Variants in ACO1 observed in about 807,000 individuals in gnomAD.
The protein encoded by ACO1 is aconitase 1.
A neutral mutation model predicts 105.1 loss-of-function variants in ACO1; 78 were observed. The ratio of observed to expected loss-of-function variants is 0.74; its 90% CI spans 0.62 to 0.90. The LOEUF (loss-of-function observed/expected upper bound fraction) is 0.90. Among genes scored for constraint, ACO1 ranks in the 40% least tolerant of loss-of-function variants. The pLI is 0.00. For synonymous variants in ACO1, 364 were observed against 397.4 expected (o/e 0.92, Z 1.00); for missense variants, 965 against 1,111.1 (o/e 0.87, Z 1.87).
At chr9:32,432,938 G>C (rs1220160879) in intron 15 of ACO1, among the ~76,000 whole-genome samples, 5 of 152,118 alleles carry the variant, frequency 3.3e-5, no homozygotes, top group African/African-American at 9.7e-5. Flanking sequence ...CTATTGGCAG[G>C]ATCAAGTTCC....
chr9:32,399,612 A>G (rs1360669929), intron 1 of ACO1, among the ~76,000 whole-genome samples: 2 of 152,222 alleles, frequency 1.3e-5, no homozygotes, highest in African/African-American at 2.4e-5. Flanking sequence ...TATACAAGGC[A>G]TCATTGTTTG....
In ACO1 at chr9:32,425,868, G is replaced by A. The variant is rs1822080066; in HGVS notation, c.1219G>A (p.Glu407Lys). ...QGFKGFQVAP[E>K]HHNDHKTFIY... The stretch of plus-strand genomic sequence containing the variant: ...ATTTAAAGGATTCCAAGTTGCTCCT[G>A]AACATCATAATGACCATAAGACCTT... The change falls in exon 11 of 21, where the codon GAA becomes AAA. Residue 407 changes from glutamate (E) to lysine (K), a missense_variant. Physicochemically the swap from Glu to Lys is moderately conservative, Grantham distance 56. Transcript: ENST00000309951. 6.2e-7 allele frequency: 1 copy of A among 1,613,226 alleles called. No homozygotes were observed. Among genetic ancestry groups the A allele is most frequent in the Non-Finnish European group, 8.5e-7 (1 of 1,179,628 alleles).
chr9:32,431,931 G>A (rs1822248533), intron 15 of ACO1, 88 bp downstream of exon 15: 31 of 1,482,892 alleles, frequency 2.1e-5, no homozygotes, highest in South Asian at 3.7e-5. Context: ...CAAGGCTAAC[G>A]GAAGTATAAA....
At position 32,451,235 on chromosome 9, in the gene ACO1, T is replaced by C. The variant is rs975748939; in HGVS notation, c.*1124T>C. ...ACAGAAATGTATTTTCTCACAGTTATGGAGGCTGGAATTCTGAGATCAAAG... is the reference window on the plus strand; with the variant it reads ...ACAGAAATGTATTTTCTCACAGTTACGGAGGCTGGAATTCTGAGATCAAAG... On this transcript the variant is annotated 3_prime_UTR_variant, in exon 21 of 21. Coordinates refer to ENST00000309951, the MANE Select transcript of ACO1 (RefSeq NM_002197.3). 1.3e-5 allele frequency: 2 copies of C among 152,174 alleles called. No individual in the cohort carries two copies. The highest frequency in any genetic ancestry group is 6.5e-5 in the Admixed American group (1 of 15,272). 9.4% of individuals were successfully genotyped at this position (152,174 alleles called of 1,614,324 possible).
At chr9:32,416,375 G>A (rs534707363) in intron 4 of ACO1, among the ~76,000 whole-genome samples, 14 of 152,226 alleles carry the variant, frequency 9.2e-5, no homozygotes, top group Admixed American at 7.8e-4. Context: ...TTACAGGTGC[G>A]AGCTACTGTG....
intron 19 of ACO1, among the ~76,000 whole-genome samples, chr9:32,446,047 G>A (rs1045799742): frequency 6.6e-6 from 1 of 152,178 alleles, no homozygotes; most frequent in African/African-American, 2.4e-5. Flanking sequence ...GTCAGTGTTA[G>A]AAAAAGTGCA....
chr9:32,443,811 GTTTA>G (rs1822534870), intron 19 of ACO1, among the ~76,000 whole-genome samples: 1 of 152,190 alleles, frequency 6.6e-6, no homozygotes, highest in African/African-American at 2.4e-5. Context: ...AAACATTTTT[GTTTA>G]TTTGTATGCT....
At chr9:32,432,553 C>T (rs2118520124) in intron 15 of ACO1, among the ~76,000 whole-genome samples, 1 of 152,136 alleles carries the variant, frequency 6.6e-6, no homozygotes, top group South Asian at 2.1e-4. Flanking sequence ...TGTTAAATGC[C>T]TTCCTCCAAA....
chr9:32,395,900 T>G (rs555589641), intron 1 of ACO1, among the ~76,000 whole-genome samples: 121 of 152,372 alleles, frequency 7.9e-4, no homozygotes, highest in African/African-American at 2.7e-3. Flanking sequence ...GAGGATGTGT[T>G]AAGTCTTTCT....
At chr9:32,385,282 G>A (rs1242907760) in intron 1 of ACO1, among the ~76,000 whole-genome samples, 2 of 152,222 alleles carry the variant, frequency 1.3e-5, no homozygotes, top group Non-Finnish European at 2.9e-5. Context: ...TTATGACCAA[G>A]TCATTTTTTT....
chr9:32,398,686 C>T (rs1340168181), intron 1 of ACO1, among the ~76,000 whole-genome samples: 1 of 151,930 alleles, frequency 6.6e-6, no homozygotes, highest in Non-Finnish European at 1.5e-5. Flanking sequence ...CTCAATCTTC[C>T]AGGCTCCAGC....
intron 1 of ACO1, among the ~76,000 whole-genome samples, chr9:32,386,808 G>A (rs377316724): frequency 2.0e-5 from 3 of 151,688 alleles, no homozygotes. Flanking sequence ...GATTTTTATT[G>A]GCCACCTATT....
At position 32,424,534 on chromosome 9, in the gene ACO1, C is replaced by A. The variant is rs919301179; in HGVS notation, c.1072-15C>A. 6.4e-7 allele frequency: 1 copy of A among 1,565,126 alleles called. No homozygotes were observed. The highest frequency in any genetic ancestry group is 1.4e-5 in the African/African-American group (1 of 73,514). ...TAATGTAAATTCTATAATTTCTTTT[C>A]TTTGGGGTCAACAGGTTGTGGAATT... On this transcript the variant is annotated splice_polypyrimidine_tract_variant and intron_variant, in intron 9 of 20. Coordinates refer to ENST00000309951, the MANE Select transcript of ACO1 (RefSeq NM_002197.3).
chr9:32,404,575 C>T (rs769721070), intron 1 of ACO1, among the ~76,000 whole-genome samples: 7 of 152,216 alleles, frequency 4.6e-5, no homozygotes, highest in African/African-American at 7.2e-5. Context: ...CATGCCCTCT[C>T]GGCTGGAGCC....
At chr9:32,406,980 C>A (rs1821625048) in intron 2 of ACO1, among the ~76,000 whole-genome samples, 1 of 152,166 alleles carries the variant, frequency 6.6e-6, no homozygotes, top group East Asian at 1.9e-4. Flanking sequence ...GATGGAGTTT[C>A]ACCATGTTGG....
intron 4 of ACO1, among the ~76,000 whole-genome samples, chr9:32,413,535 G>A (rs79166900): frequency 4.0e-5 from 6 of 149,122 alleles, no homozygotes; most frequent in African/African-American, 1.5e-4. Flanking sequence ...GTGGTATTTT[G>A]TTTTTATTTC....
chr9:32,409,481 G>A lies in ACO1; in HGVS notation c.404+830G>A, dbSNP rs186978352. Among the ~76,000 whole-genome samples, 100 of 152,314 alleles carry A rather than the reference G, an allele frequency of 6.6e-4. No homozygotes were observed. In the Middle Eastern group the frequency reaches 0.02, roughly 31 times the overall value. On this transcript the variant is annotated intron_variant, in intron 4 of 20. Transcript: ENST00000309951. The stretch of plus-strand genomic sequence containing the variant: ...TGGGGAAAAACTAAACAACTCTGAG[G>A]ATAGGTTTTTTGTTGCTGTTTTTGT...
intron 19 of ACO1, among the ~76,000 whole-genome samples, chr9:32,443,448 C>T (rs768240937): frequency 6.6e-6 from 1 of 152,298 alleles, no homozygotes; most frequent in African/African-American, 2.4e-5. Context: ...CAAGATATAA[C>T]AGAGGTAAAA....
intron 1 of ACO1, among the ~76,000 whole-genome samples, chr9:32,387,108 C>A (rs969317137): frequency 6.6e-6 from 1 of 152,168 alleles, no homozygotes; most frequent in Non-Finnish European, 1.5e-5. Context: ...ACTTCCTTTG[C>A]CTTCTTTCCC....
Sources: allele counts gnomAD v4.1 joint callset (sites outside exome capture counted in the v4.1 genomes callset), GRCh38; gene constraint gnomAD v4.1.1; transcripts MANE v1.5; gene names NCBI Gene and HGNC (gene_info 2026-07-23, HGNC 2026-07-21).